UBE2K: variants seen among roughly 807,000 people sequenced by gnomAD.
UBE2K encodes ubiquitin-conjugating enzyme E2 K.
In UBE2K, 6 loss-of-function variants were observed where a neutral mutation model predicts 30.0. That is an observed-to-expected ratio of 0.20 (90% confidence interval 0.11 to 0.39). The LOEUF (loss-of-function observed/expected upper bound fraction) is 0.39, where lower values mean the gene tolerates loss of function less well. Among genes scored for constraint, UBE2K ranks in the 10% least tolerant of loss-of-function variants. UBE2K has a pLI of 1.00. For missense variants in UBE2K, 61 were observed against 241.6 expected (o/e 0.25, Z 4.96); for synonymous variants, 86 against 83.7 (o/e 1.03, Z -0.15).
chr4:39,737,361 A>G (rs1720435464), intron 1 of UBE2K, 59 bp from the exon 2 acceptor site: 1 of 1,040,312 alleles, frequency 9.6e-7, no homozygotes, highest in Non-Finnish European at 1.4e-6. Context: ...TTTATAGGTA[A>G]TACTTTAGGC....
intron 1 of UBE2K, among the ~76,000 whole-genome samples, chr4:39,711,053 A>C (rs1475730679): frequency 6.7e-6 from 1 of 148,686 alleles, no homozygotes; most frequent in Non-Finnish European, 1.5e-5. Context: ...TTTACTGTTA[A>C]TATCTCCTGA....
rs1047963543 is a variant in UBE2K, at chr4:39,758,780, ATCT to A, written c.299+3044_299+3046del. Among the ~76,000 whole-genome samples, 12 of 152,304 alleles carry A rather than the reference ATCT, an allele frequency of 7.9e-5. No individual in the cohort carries two copies. The East Asian group carries it at 1.2e-3, about 15-fold the overall frequency. ...GCCAACAGTACTATTACTTGTAATT[ATCT>A]TCCTATATAGCTAGTTGAAAGATTA... On this transcript the variant is annotated intron_variant, in intron 4 of 6. Transcript: ENST00000261427.
At chr4:39,765,041 A>T (rs1209188306) in intron 4 of UBE2K, among the ~76,000 whole-genome samples, 1 of 151,532 alleles carries the variant, frequency 6.6e-6, no homozygotes, top group East Asian at 1.9e-4. Context: ...ACCTGCCACC[A>T]CTCCAGGCTA....
chr4:39,708,495 C>T (rs1018554835), intron 1 of UBE2K, among the ~76,000 whole-genome samples: 3 of 152,010 alleles, frequency 2.0e-5, no homozygotes, highest in Non-Finnish European at 4.4e-5. Context: ...TGGGAATCTG[C>T]CTGCCTTTCT....
chr4:39,722,195 T>A (rs745973067), intron 1 of UBE2K, among the ~76,000 whole-genome samples: 2 of 152,214 alleles, frequency 1.3e-5, no homozygotes, highest in African/African-American at 2.4e-5. Flanking sequence ...CTTTTACAAT[T>A]TATGATTGTT....
chr4:39,715,394 A>C (rs1349894824), intron 1 of UBE2K, among the ~76,000 whole-genome samples: 1 of 151,240 alleles, frequency 6.6e-6, no homozygotes, highest in Non-Finnish European at 1.5e-5. Flanking sequence ...CTGATCTTGA[A>C]CTCGTGGGTT....
chr4:39,769,230 G>A (rs929591879), intron 4 of UBE2K, among the ~76,000 whole-genome samples: 2 of 97,136 alleles, frequency 2.1e-5, no homozygotes, highest in Non-Finnish European at 2.1e-5. Context: ...TTTTTTTTTC[G>A]TTTTGTTTTT....
chr4:39,728,916 C>G (rs1326269403), intron 1 of UBE2K, among the ~76,000 whole-genome samples: 2 of 151,308 alleles, frequency 1.3e-5, no homozygotes, highest in Admixed American at 1.3e-4. Flanking sequence ...ATCCACCCGC[C>G]TCGGCCTCCC....
intron 1 of UBE2K, among the ~76,000 whole-genome samples, chr4:39,727,461 A>C (rs1719817438): frequency 1.3e-5 from 2 of 152,196 alleles, no homozygotes; most frequent in African/African-American, 4.8e-5. Flanking sequence ...TCCTGGGCTC[A>C]GGTGATTTTC....
chr4:39,716,264 GTGTC>G (rs138078900), intron 1 of UBE2K, among the ~76,000 whole-genome samples: 104 of 152,046 alleles, frequency 6.8e-4, no homozygotes, highest in African/African-American at 2.3e-3. Context: ...TTGAAACATG[GTGTC>G]TGTCTGTCTA....
chr4:39,770,804 C>A, intron 4 of UBE2K: 2 of 1,558,592 alleles, frequency 1.3e-6, no homozygotes, highest in Non-Finnish European at 1.7e-6. Context: ...GGGCCGACTC[C>A]ACCTTGACGA....
At chr4:39,767,767 A>G (rs924257389) in intron 4 of UBE2K, among the ~76,000 whole-genome samples, 4 of 152,192 alleles carry the variant, frequency 2.6e-5, no homozygotes, top group Non-Finnish European at 4.4e-5. Flanking sequence ...TAAAATAAAT[A>G]TTATGAGTTT....
At chr4:39,733,044 A>G (rs1011480256) in intron 1 of UBE2K, among the ~76,000 whole-genome samples, 4 of 107,094 alleles carry the variant, frequency 3.7e-5, no homozygotes, top group African/African-American at 1.5e-4. Context: ...CCCCCAGGGA[A>G]CATCAGGAAA....
In UBE2K at chr4:39,782,324, CTATT is replaced by C. The variant is rs1713662042; in HGVS notation, c.*3892_*3895del. On this transcript the variant is annotated 3_prime_UTR_variant, in exon 7 of 7. Transcript: ENST00000261427. ...TACAGGCATCATAATAAAAGCTAGA[CTATT>C]TCTTTGGGGGGAAAGAGACTTATTT... The C allele has an allele frequency of 1.4e-5, 3 of 215,000 alleles. No individual in the cohort carries two copies. Among genetic ancestry groups the C allele is most frequent in the East Asian group, 1.9e-4 (2 of 10,378 alleles). The allele number at this position is 215,000 out of a possible 1,614,324, so 13.3% of individuals were successfully genotyped here.
intron 1 of UBE2K, among the ~76,000 whole-genome samples, chr4:39,718,222 G>A (rs377600280): frequency 2.3e-4 from 35 of 152,198 alleles, no homozygotes; most frequent in African/African-American, 6.7e-4. Context: ...TGATTGGTGC[G>A]TTTACAATCC....
At chr4:39,724,121 A>ATTTTT (rs11295454) in intron 1 of UBE2K, among the ~76,000 whole-genome samples, 1 of 142,522 alleles carries the variant, frequency 7.0e-6, no homozygotes, top group Non-Finnish European at 1.5e-5. Flanking sequence ...TCCTTTTTTA[A>ATTTTT]TTTTTTTTTT....
chr4:39,750,853 C>T (rs537286010), intron 3 of UBE2K, among the ~76,000 whole-genome samples: 90 of 151,578 alleles, frequency 5.9e-4, no homozygotes, highest in African/African-American at 2.1e-3. Flanking sequence ...TCAAGCGATC[C>T]TCTCACCTCA....
chr4:39,777,487 A>G (rs564664686), intron 5 of UBE2K, among the ~76,000 whole-genome samples, 195 bp from the exon 6 acceptor site: 1 of 152,366 alleles, frequency 6.6e-6, no homozygotes, highest in South Asian at 2.1e-4. Context: ...TATTGTCAAC[A>G]CAAATTGTGA....
At chr4:39,698,572 T>C (rs1423091532) in intron 1 of UBE2K, among the ~76,000 whole-genome samples, 182 bp downstream of exon 1, 1 of 151,952 alleles carries the variant, frequency 6.6e-6, no homozygotes, top group African/African-American at 2.4e-5. Context: ...CCCAGAGCGC[T>C]AGGATGGACG....
Sources: allele counts gnomAD v4.1 joint callset (sites outside exome capture counted in the v4.1 genomes callset), GRCh38; gene constraint gnomAD v4.1.1; transcripts MANE v1.5; gene names NCBI Gene and HGNC (gene_info 2026-07-23, HGNC 2026-07-21).